Variants in ADAD1 observed in about 807,000 individuals in gnomAD.
The protein encoded by ADAD1 is adenosine deaminase domain containing 1, also known as adenosine deaminase domain-containing protein 1.
In ADAD1, 46 loss-of-function variants were observed where a neutral mutation model predicts 66.8. The observed-to-expected ratio is 0.69, with a 90% CI of 0.54 to 0.88. The LOEUF (loss-of-function observed/expected upper bound fraction) is 0.88. Ranked by LOEUF, ADAD1 falls within the 40% of genes least tolerant of loss-of-function variation. The pLI is 0.00. For synonymous variants in ADAD1, 248 were observed against 229.4 expected (o/e 1.08, Z -0.73); for missense variants, 617 against 681.8 (o/e 0.91, Z 1.06).
intron 6 of ADAD1, among the ~76,000 whole-genome samples, chr4:122,395,437 C>G (rs1297379470): frequency 6.6e-6 from 1 of 152,008 alleles, no homozygotes; most frequent in Non-Finnish European, 1.5e-5. Flanking sequence ...GATCCCAGCA[C>G]TTTGTGAGGC....
intron 5 of ADAD1, among the ~76,000 whole-genome samples, chr4:122,388,836 T>A (rs977831705): frequency 5.9e-5 from 9 of 152,322 alleles, no homozygotes; most frequent in African/African-American, 2.2e-4. Flanking sequence ...GATTCGATTT[T>A]TTTTGGAGGG....
Position 122,429,659 on chromosome 4 carries a change from A to G in ADAD1, c.1651A>G (p.Lys551Glu), listed in dbSNP as rs1234931760. Residue 551 changes from lysine to glutamate, a missense_variant, in exon 13 of 13, where the codon AAG becomes GAG. By Grantham distance (56) the Lys-to-Glu change is moderately conservative. Coordinates refer to ENST00000296513, the MANE Select transcript of ADAD1 (RefSeq NM_139243.4). ...MSASYQEAKC[K>E]LKSYLQQHGY... ...TGCCTCCTATCAAGAAGCTAAATGT[A>G]AGTTGAAATCCTACTTACAACAACA... 1 of 1,613,420 alleles carries G rather than the reference A, an allele frequency of 6.2e-7. No homozygotes were observed. The highest frequency in any genetic ancestry group is 8.5e-7 in the Non-Finnish European group (1 of 1,179,578).
At chr4:122,417,111 G>T (rs1005552671) in intron 11 of ADAD1, among the ~76,000 whole-genome samples, 6 of 152,154 alleles carry the variant, frequency 3.9e-5, no homozygotes, top group Non-Finnish European at 2.9e-5. Flanking sequence ...GAGGCGGGCA[G>T]ATCAGCTGAG....
At chr4:122,407,355 C>T (rs1436372567) in intron 7 of ADAD1, among the ~76,000 whole-genome samples, 2 of 152,030 alleles carry the variant, frequency 1.3e-5, no homozygotes, top group Admixed American at 1.3e-4. Context: ...ATAGAATTTC[C>T]AGGAGATTTC....
Position 122,395,342 on chromosome 4 carries a change from C to T in ADAD1, c.599-910C>T, listed in dbSNP as rs187292172. 5.3e-5 allele frequency among the ~76,000 whole-genome samples: 8 copies of T among 152,152 alleles called. No individual in the cohort carries two copies. The East Asian group carries it at 9.7e-4, about 18-fold the overall frequency. On this transcript the variant is annotated intron_variant, in intron 6 of 12. Transcript: ENST00000296513. ...CTGGGATTACAGGTGTAAGCCACCG[C>T]GCCCAGCCTACTTTGCTATATGTTT... is the stretch of plus-strand genomic sequence containing the variant.
At chr4:122,396,606 G>T (rs1187629770) in intron 7 of ADAD1, among the ~76,000 whole-genome samples, 1 of 152,128 alleles carries the variant, frequency 6.6e-6, no homozygotes, top group Non-Finnish European at 1.5e-5. Flanking sequence ...TTAAACCTTA[G>T]CCCTGCTGGC....
chr4:122,396,658 G>T (rs752502076), intron 7 of ADAD1, among the ~76,000 whole-genome samples: 5 of 152,172 alleles, frequency 3.3e-5, no homozygotes, highest in Non-Finnish European at 7.3e-5. Flanking sequence ...AACATTAAGA[G>T]TAGCATCTTT....
rs1797020053 is a variant in ADAD1 at position 122,422,036 on chromosome 4, TATGTATCTGTTTAAAA to T, written c.1617+649_1617+664del. Among the ~76,000 whole-genome samples the T allele has an allele frequency of 2.0e-5, 3 of 152,106 alleles. No homozygotes were observed. The South Asian group carries it at 6.2e-4, about 32-fold the overall frequency. On this transcript the variant is annotated intron_variant, in intron 12 of 12. Transcript: ENST00000296513. ...TCCTTCTCATATATACGTATTTGTG[TATGTATCTGTTTAAAA>T]ATAAGGCCATATTGGGTATGGTATG...
intron 8 of ADAD1, among the ~76,000 whole-genome samples, chr4:122,409,806 TCTC>T (rs1176729362): frequency 1.3e-5 from 2 of 152,036 alleles, no homozygotes. Context: ...TTCAAGCAAT[TCTC>T]CTGCCTCAGC....
In ADAD1 at chr4:122,393,673, G is replaced by A; in HGVS notation, c.598+16G>A. The A allele has an allele frequency of 1.9e-6, 3 of 1,564,262 alleles. No homozygotes were observed. Among genetic ancestry groups the A allele is most frequent in the South Asian group, 1.2e-5 (1 of 82,706 alleles). On this transcript the variant is annotated intron_variant, in intron 6 of 12. Transcript: ENST00000296513. The stretch of plus-strand genomic sequence containing the variant: ...GTACATTATGGTAGGAAAGTTTTTT[G>A]TGACGTTCTTCTTTAGAAGAGTAGC...
At chr4:122,388,830 C>T (rs781097351) in intron 5 of ADAD1, among the ~76,000 whole-genome samples, 1 of 151,888 alleles carries the variant, frequency 6.6e-6, no homozygotes, top group Non-Finnish European at 1.5e-5. Context: ...CTTCTGGATT[C>T]GATTTTTTTT....
At chr4:122,383,713 T>C in intron 4 of ADAD1, 86 bp from the exon 5 acceptor site, 1 of 1,388,204 alleles carries the variant, frequency 7.2e-7, no homozygotes, top group Non-Finnish European at 9.6e-7. Flanking sequence ...AGAATTTTTG[T>C]ACTGGAATGT....
intron 5 of ADAD1, among the ~76,000 whole-genome samples, chr4:122,389,128 G>T (rs546313963): frequency 2.6e-5 from 4 of 152,244 alleles, no homozygotes; most frequent in Admixed American, 6.5e-5. Context: ...TATTTACCCA[G>T]GAGTCATTCA....
chr4:122,424,403 G>A (rs1797140386), intron 12 of ADAD1, among the ~76,000 whole-genome samples: 1 of 152,086 alleles, frequency 6.6e-6, no homozygotes, highest in Non-Finnish European at 1.5e-5. Flanking sequence ...CTGTGTTGTT[G>A]AGTTTATGAC....
At chr4:122,385,014 T>C (rs1366374461) in intron 5 of ADAD1, among the ~76,000 whole-genome samples, 1 of 152,218 alleles carries the variant, frequency 6.6e-6, no homozygotes, top group Non-Finnish European at 1.5e-5. Context: ...TTTTTCCCTA[T>C]AGTAAGCTAG....
chr4:122,395,664 CAAA>C (rs57013887), intron 6 of ADAD1, among the ~76,000 whole-genome samples: 2 of 137,212 alleles, frequency 1.5e-5, no homozygotes, highest in African/African-American at 2.7e-5. Context: ...GACTCCATCT[CAAA>C]AAAAAAAAAA....
chr4:122,415,279 A>G lies in ADAD1; in HGVS notation c.1250-100A>G, dbSNP rs145206992. The G allele has an allele frequency of 4.1e-3, 3,713 of 896,128 alleles. 8 individuals carry two copies. Among genetic ancestry groups the G allele is most frequent in the Non-Finnish European group, 5.5e-3 (3,217 of 587,596 alleles). 55.5% of individuals were successfully genotyped at this position (896,128 alleles called of 1,614,324 possible). A position where few individuals can be genotyped will look rare whatever the true frequency, so the allele number is the denominator to read the frequency against. On this transcript the variant is annotated intron_variant, in intron 10 of 12. Transcript: ENST00000296513. ...GAAAGGGAAGGTTGAAAGATAAAGG[A>G]TAGAGAAATGGGCTTTAGACGATTT...
intron 5 of ADAD1, among the ~76,000 whole-genome samples, chr4:122,386,523 G>A (rs754154545): frequency 6.6e-6 from 1 of 152,126 alleles, no homozygotes; most frequent in African/African-American, 2.4e-5. Flanking sequence ...TTGCTGTGCA[G>A]AAGCTCTTCA....
rs114596671 is a variant in ADAD1, at chr4:122,399,157, A to G, written c.724+2780A>G. On this transcript the variant is annotated intron_variant, in intron 7 of 12. Transcript: ENST00000296513. ...AGTTGATTTTTGTATAAGGTGAGAG[A>G]TGAGGGTCCCAGTTTTATTGTTATA... Among the ~76,000 whole-genome samples, 1,142 of 152,208 alleles carry G rather than the reference A, an allele frequency of 7.5e-3. 11 individuals carry two copies. The highest frequency in any genetic ancestry group is 0.029 in the South Asian group (138 of 4,820).
Sources: allele counts gnomAD v4.1 joint callset (sites outside exome capture counted in the v4.1 genomes callset), GRCh38; gene constraint gnomAD v4.1.1; transcripts MANE v1.5; gene names NCBI Gene and HGNC (gene_info 2026-07-23, HGNC 2026-07-21).